The following TEX36 variants were observed in gnomAD, a reference collection of about 807,000 sequenced individuals.
The protein encoded by TEX36 is testis expressed 36, also known as testis-expressed protein 36.
A neutral mutation model predicts 13.6 loss-of-function variants in TEX36; 12 were observed. The ratio of observed to expected loss-of-function variants is 0.88; its 90% CI spans 0.56 to 1.43. TEX36 has a LOEUF of 1.43. Ranked by LOEUF, TEX36 falls within the 40% of genes most tolerant of loss-of-function variation. The pLI is 0.00. For missense variants in TEX36, 224 were observed against 228.3 expected (o/e 0.98, Z 0.12); for synonymous variants, 93 against 83.0 (o/e 1.12, Z -0.65).
At chr10:125,655,686 C>A, downstream of TEX36, 1 of 1,241,766 alleles carries the variant, frequency 8.1e-7, no homozygotes, top group South Asian at 3.3e-5. Flanking sequence ...TTTAAAACTC[C>A]CCAAAAGTAA....
intron 3 of TEX36, among the ~76,000 whole-genome samples, chr10:125,625,974 C>T (rs1026624793): frequency 2.0e-5 from 3 of 152,240 alleles, no homozygotes; most frequent in African/African-American, 7.2e-5. Flanking sequence ...ATGAAGGAGG[C>T]ATTACCCATC....
chr10:125,628,793 GC>G (rs1846518020), intron 3 of TEX36, among the ~76,000 whole-genome samples: 1 of 152,208 alleles, frequency 6.6e-6, no homozygotes, highest in Admixed American at 6.5e-5. Context: ...AGTGCCTGCT[GC>G]ATCCCAGACA....
intron 3 of TEX36, among the ~76,000 whole-genome samples, chr10:125,624,352 G>A (rs1846461378): frequency 6.6e-6 from 1 of 152,192 alleles, no homozygotes; most frequent in Non-Finnish European, 1.5e-5. Flanking sequence ...TGAGTGTTGG[G>A]GGTAGTCAGA....
intron 3 of TEX36, among the ~76,000 whole-genome samples, chr10:125,635,630 CA>C (rs1409550127): frequency 6.6e-6 from 1 of 152,172 alleles, no homozygotes; most frequent in African/African-American, 2.4e-5. Context: ...TCTTGTCCCC[CA>C]GCACTGCCAT....
chr10:125,625,425 A>G (rs2133563198), intron 3 of TEX36, among the ~76,000 whole-genome samples: 1 of 152,330 alleles, frequency 6.6e-6, no homozygotes, highest in African/African-American at 2.4e-5. Context: ...TGAAGGTAAA[A>G]GTCAGATTTG....
At chr10:125,648,888 A>G (rs1846812563) in intron 3 of TEX36, among the ~76,000 whole-genome samples, 1 of 152,254 alleles carries the variant, frequency 6.6e-6, no homozygotes, top group African/African-American at 2.4e-5. Flanking sequence ...GATTCGATCA[A>G]CTGGAAGAAA....
chr10:125,581,233 G>A (rs1178185954), intron 3 of TEX36, among the ~76,000 whole-genome samples: 1 of 152,168 alleles, frequency 6.6e-6, no homozygotes, highest in Non-Finnish European at 1.5e-5. Context: ...GCAACCCTCA[G>A]TCGGGGACGG....
intron 3 of TEX36, among the ~76,000 whole-genome samples, chr10:125,603,114 G>C (rs1418874758): frequency 6.6e-6 from 1 of 152,184 alleles, no homozygotes; most frequent in Non-Finnish European, 1.5e-5. Context: ...TTTCAGGAGC[G>C]ATGACCATCT....
intron 3 of TEX36, among the ~76,000 whole-genome samples, chr10:125,629,616 T>C (rs1463455837): frequency 1.3e-5 from 2 of 152,216 alleles, no homozygotes; most frequent in African/African-American, 4.8e-5. Flanking sequence ...CTATTTTTCT[T>C]AGTAATTAAA....
chr10:125,597,343 A>T (rs1846093422), intron 3 of TEX36, among the ~76,000 whole-genome samples: 1 of 151,262 alleles, frequency 6.6e-6, no homozygotes, highest in Non-Finnish European at 1.5e-5. Context: ...CAGTGCACAG[A>T]AAAAAAAACA....
intron 1 of TEX36, chr10:125,667,564 A>G: frequency 1.4e-6 from 1 of 739,202 alleles, no homozygotes; most frequent in Non-Finnish European, 2.5e-6. Flanking sequence ...CAGACAGCCC[A>G]TACAACCCTT....
intron 3 of TEX36, among the ~76,000 whole-genome samples, chr10:125,577,530 A>G (rs144063307): frequency 2.6e-5 from 4 of 152,336 alleles, no homozygotes; most frequent in South Asian, 2.1e-4. Context: ...AAAATTGAAT[A>G]TAAGTATTCA....
At chr10:125,588,074 C>T (rs947478337) in intron 3 of TEX36, among the ~76,000 whole-genome samples, 1 of 152,190 alleles carries the variant, frequency 6.6e-6, no homozygotes, top group Non-Finnish European at 1.5e-5. Context: ...ATTTCAAAAA[C>T]AGCGGTAACT....
At chr10:125,668,455 A>G (rs1324594105) in intron 1 of TEX36, among the ~76,000 whole-genome samples, 2 of 151,988 alleles carry the variant, frequency 1.3e-5, no homozygotes, top group African/African-American at 4.8e-5. Context: ...GTCAGCATAT[A>G]GTTGTTCACA....
At chr10:125,576,708 G>A (rs1321782082) in exon 4 of TEX36, 3 of 1,533,988 alleles carry the variant, frequency 2.0e-6, no homozygotes, top group African/African-American at 1.4e-5. Context: ...TATTAGTCAG[G>A]ACTCTGGGGA....
chr10:125,619,573 C>T (rs577044397), downstream of TEX36, among the ~76,000 whole-genome samples: 89 of 152,234 alleles, frequency 5.8e-4, 1 homozygote, highest in African/African-American at 2.0e-3. Flanking sequence ...GTTTTTGAGA[C>T]GGAGTCTCGC....
At chr10:125,632,267 T>G (rs1432242118) in intron 3 of TEX36, among the ~76,000 whole-genome samples, 1 of 152,084 alleles carries the variant, frequency 6.6e-6, no homozygotes, top group East Asian at 1.9e-4. Flanking sequence ...GATGTGCTCG[T>G]GAGACGTCCA....
intron 3 of TEX36, among the ~76,000 whole-genome samples, chr10:125,588,462 A>C (rs1845984067): frequency 2.0e-5 from 3 of 152,218 alleles, no homozygotes; most frequent in African/African-American, 7.2e-5. Context: ...CAGGAAGCAG[A>C]GTGCTGGCGT....
At chr10:125,682,454 T>C (rs888986818) in intron 1 of TEX36, among the ~76,000 whole-genome samples, 1 of 152,206 alleles carries the variant, frequency 6.6e-6, no homozygotes, top group Non-Finnish European at 1.5e-5. Flanking sequence ...CCAACAAGAA[T>C]TTGTTTAGAG....
Sources: allele counts gnomAD v4.1 joint callset (sites outside exome capture counted in the v4.1 genomes callset), GRCh38; gene constraint gnomAD v4.1.1; transcripts MANE v1.5; gene names NCBI Gene and HGNC (gene_info 2026-07-23, HGNC 2026-07-21).